OPCML: variants seen among roughly 807,000 people sequenced by gnomAD.
OPCML encodes opioid-binding protein/cell adhesion molecule.
In OPCML, 13 loss-of-function variants were observed where a neutral mutation model predicts 37.8. The observed-to-expected ratio is 0.34, with a 90% CI of 0.22 to 0.55. The LOEUF (loss-of-function observed/expected upper bound fraction) is 0.55, where lower values mean the gene tolerates loss of function less well. Among genes scored for constraint, OPCML ranks in the 20% least tolerant of loss-of-function variants. OPCML has a pLI of 0.91. For synonymous variants in OPCML, 176 were observed against 168.8 expected, an observed-to-expected ratio of 1.04 and a Z score of -0.33; for missense variants, 341 against 435.6, an observed-to-expected ratio of 0.78 and a Z score of 1.93.
At chr11:133,135,084 C>T (rs1214242277) in intron 1 of OPCML, among the ~76,000 whole-genome samples, 1 of 152,174 alleles carries the variant, frequency 6.6e-6, no homozygotes. Flanking sequence ...GGAAAAACTG[C>T]TCTGAAAGGC....
chr11:133,390,728 T>A (rs1275430901), intron 1 of OPCML, among the ~76,000 whole-genome samples: 1 of 152,006 alleles, frequency 6.6e-6, no homozygotes, highest in Non-Finnish European at 1.5e-5. Context: ...CTCTAACAAC[T>A]CAATGCAGTT....
At chr11:132,951,335 C>G (rs143086492) in intron 1 of OPCML, among the ~76,000 whole-genome samples, 1 of 152,140 alleles carries the variant, frequency 6.6e-6, no homozygotes, top group Admixed American at 6.5e-5. Flanking sequence ...GAACATGCTC[C>G]GACGAGGGCT....
chr11:133,309,701 G>C (rs930277500), intron 1 of OPCML, among the ~76,000 whole-genome samples: 1 of 152,184 alleles, frequency 6.6e-6, no homozygotes, highest in Non-Finnish European at 1.5e-5. Flanking sequence ...GGAGAAACTG[G>C]AGGAAAAGTG....
intron 2 of OPCML, among the ~76,000 whole-genome samples, chr11:132,711,082 C>A (rs1453878508): frequency 6.6e-6 from 1 of 152,090 alleles, no homozygotes; most frequent in South Asian, 2.1e-4. Context: ...GTGAACGAGA[C>A]CTGCTTAGGA....
chr11:133,182,906 C>A (rs1383929181), intron 1 of OPCML, among the ~76,000 whole-genome samples: 2 of 152,024 alleles, frequency 1.3e-5, no homozygotes, highest in Non-Finnish European at 2.9e-5. Flanking sequence ...ACGAAGGCGC[C>A]CAACCCCAAT....
chr11:133,468,899 AC>A, intron 1 of OPCML, among the ~76,000 whole-genome samples: 1 of 152,024 alleles, frequency 6.6e-6, no homozygotes, highest in South Asian at 2.1e-4. Flanking sequence ...ATGGAAAAAA[AC>A]AATTATTGAT....
At position 132,653,809 on chromosome 11, in the gene OPCML, A is replaced by G. The variant is rs527995176; in HGVS notation, c.379+3278T>C. Among the ~76,000 whole-genome samples the G allele has an allele frequency of 5.0e-4, 76 of 152,302 alleles. No homozygotes were observed. In the South Asian group the frequency reaches 0.016, roughly 32 times the overall value. On this transcript the variant is annotated intron_variant, in intron 3 of 7. Transcript: ENST00000524381. ...CTGATGGCATCTGGTTGGCAGAAGAAATGAGATACCCACCTTCTCAAATGG... is the reference window on the plus strand; with the variant it reads ...CTGATGGCATCTGGTTGGCAGAAGAGATGAGATACCCACCTTCTCAAATGG...
intron 1 of OPCML, among the ~76,000 whole-genome samples, chr11:133,204,868 G>GTATGTATATATATA (rs1938966892): frequency 8.5e-6 from 1 of 117,330 alleles, no homozygotes; most frequent in Non-Finnish European, 1.7e-5. Context: ...ATATATATGT[G>GTATGTATATATATA]TATATATATA....
intron 1 of OPCML, among the ~76,000 whole-genome samples, chr11:133,462,296 G>T (rs1220166849): frequency 6.6e-6 from 1 of 151,904 alleles, no homozygotes; most frequent in Non-Finnish European, 1.5e-5. Flanking sequence ...TAATTTTTTC[G>T]ATATGAAACC....
At chr11:132,441,165 G>GGTTTTTTTTTTTTTTT (rs2096031824) in intron 4 of OPCML, among the ~76,000 whole-genome samples, 1 of 72,402 alleles carries the variant, frequency 1.4e-5, no homozygotes, top group African/African-American at 1.1e-4. Flanking sequence ...GGACTTTTTT[G>GGTTTTTTTTTTTTTTT]TTTTTTTTTT....
intron 1 of OPCML, among the ~76,000 whole-genome samples, chr11:133,453,266 T>G (rs1250544630): frequency 6.6e-6 from 1 of 152,204 alleles, no homozygotes; most frequent in African/African-American, 2.4e-5. Context: ...AATTGAAAAC[T>G]TAATCAGAAT....
At chr11:133,389,657 C>T (rs1041192122) in intron 1 of OPCML, among the ~76,000 whole-genome samples, 1 of 152,120 alleles carries the variant, frequency 6.6e-6, no homozygotes, top group African/African-American at 2.4e-5. Flanking sequence ...TTGCTTGAGG[C>T]TTGGACCTCA....
intron 2 of OPCML, among the ~76,000 whole-genome samples, chr11:132,908,135 G>A (rs1240409132): frequency 3.3e-5 from 5 of 152,176 alleles, no homozygotes; most frequent in Non-Finnish European, 5.9e-5. Context: ...GAGCACAAGC[G>A]AGAGGACTTT....
chr11:132,931,418 A>G (rs990824612), intron 2 of OPCML, among the ~76,000 whole-genome samples: 1 of 152,208 alleles, frequency 6.6e-6, no homozygotes, highest in African/African-American at 2.4e-5. Flanking sequence ...TGTGAGTCAT[A>G]TATCTGATAA....
In OPCML at chr11:132,725,468, G is replaced by A. The variant is rs369452902; in HGVS notation, c.147-68149C>T. Among the ~76,000 whole-genome samples the A allele has an allele frequency of 1.2e-4, 18 of 152,268 alleles. No individual in the cohort carries two copies. The East Asian group carries it at 1.9e-3, about 16-fold the overall frequency. Reference sequence around the variant, plus strand: ...GGACTGTAATGGGAGGGGCTACTGCGAAGATCTCTGACATGTGCTGGAGAA... The same window carrying A: ...GGACTGTAATGGGAGGGGCTACTGCAAAGATCTCTGACATGTGCTGGAGAA... On this transcript the variant is annotated intron_variant, in intron 2 of 7. Coordinates refer to ENST00000524381, the MANE Select transcript of OPCML (RefSeq NM_001012393.5).
At chr11:132,919,014 T>A (rs957686096) in intron 2 of OPCML, among the ~76,000 whole-genome samples, 1 of 152,064 alleles carries the variant, frequency 6.6e-6, no homozygotes, top group African/African-American at 2.4e-5. Context: ...CTAGGAAACA[T>A]GAGATGTGGC....
intron 1 of OPCML, among the ~76,000 whole-genome samples, chr11:133,480,859 C>T (rs1947357217): frequency 6.6e-6 from 1 of 152,198 alleles, no homozygotes; most frequent in African/African-American, 2.4e-5. Context: ...TGATACAATA[C>T]TGAATGGGAT....
chr11:132,504,160 G>T (rs2096251424), intron 4 of OPCML, among the ~76,000 whole-genome samples: 1 of 152,070 alleles, frequency 6.6e-6, no homozygotes, highest in Admixed American at 6.5e-5. Flanking sequence ...ATACTAATAA[G>T]GAAGATAGAC....
chr11:132,440,459 T>C (rs1280079784), intron 4 of OPCML, among the ~76,000 whole-genome samples: 1 of 152,070 alleles, frequency 6.6e-6, no homozygotes, highest in Non-Finnish European at 1.5e-5. Context: ...CCCTGAGCAG[T>C]GAAGCTGTGA....
Sources: allele counts gnomAD v4.1 joint callset (sites outside exome capture counted in the v4.1 genomes callset), GRCh38; gene constraint gnomAD v4.1.1; transcripts MANE v1.5; gene names NCBI Gene and HGNC (gene_info 2026-07-23, HGNC 2026-07-21).